LRBA: variants seen among roughly 807,000 people sequenced by gnomAD.
LRBA encodes lipopolysaccharide-responsive and beige-like anchor protein.
In LRBA, 176 loss-of-function variants were observed where a neutral mutation model predicts 330.0. That is an observed-to-expected ratio of 0.53 (90% confidence interval 0.47 to 0.60). LRBA has a LOEUF of 0.60. Ranked by LOEUF, LRBA falls within the 20% of genes least tolerant of loss-of-function variation. LRBA has a pLI of 0.00. For synonymous variants in LRBA, 1,230 were observed against 1,193.0 expected (o/e 1.03, Z -0.64); for missense variants, 3,259 against 3,444.8 (o/e 0.95, Z 1.35).
intron 44 of LRBA, among the ~76,000 whole-genome samples, chr4:150,461,750 G>A (rs760776777): frequency 1.4e-4 from 22 of 151,740 alleles, no homozygotes; most frequent in Non-Finnish European, 3.0e-4. Context: ...GTTATCAATT[G>A]CATTTCAATC....
At chr4:150,805,298 GGA>G (rs1742459508) in intron 33 of LRBA, among the ~76,000 whole-genome samples, 1 of 97,878 alleles carries the variant, frequency 1.0e-5, no homozygotes, top group African/African-American at 4.7e-5. Context: ...GGAAAGGAAA[GGA>G]AAGGAAAGGA....
intron 40 of LRBA, among the ~76,000 whole-genome samples, chr4:150,578,723 T>C (rs2126331611): frequency 6.6e-6 from 1 of 152,374 alleles, no homozygotes; most frequent in African/African-American, 2.4e-5. Context: ...TACTATCACC[T>C]ACATTCTTTA....
At chr4:150,679,036 G>A (rs1465768022) in intron 37 of LRBA, among the ~76,000 whole-genome samples, 3 of 151,808 alleles carry the variant, frequency 2.0e-5, no homozygotes, top group Non-Finnish European at 4.4e-5. Context: ...TTAAAGATAG[G>A]ACATGATATA....
At chr4:150,303,588 T>C (rs941536616) in intron 52 of LRBA, among the ~76,000 whole-genome samples, 8 of 152,162 alleles carry the variant, frequency 5.3e-5, no homozygotes, top group Admixed American at 2.0e-4. Context: ...ATTTATTTTT[T>C]TGAGGCGGAG....
intron 17 of LRBA, among the ~76,000 whole-genome samples, chr4:150,875,808 C>T (rs965208816): frequency 6.6e-6 from 1 of 152,190 alleles, no homozygotes; most frequent in Non-Finnish European, 1.5e-5. Flanking sequence ...CACCACAAAA[C>T]TTCAGACACC....
chr4:150,623,081 A>C (rs1054214730), intron 37 of LRBA, among the ~76,000 whole-genome samples: 4 of 152,138 alleles, frequency 2.6e-5, no homozygotes, highest in Admixed American at 6.5e-5. Flanking sequence ...GGCTAAAGGC[A>C]TATGTACTCT....
chr4:150,369,005 A>G (rs1050540002), intron 47 of LRBA, among the ~76,000 whole-genome samples: 4 of 152,172 alleles, frequency 2.6e-5, no homozygotes, highest in Admixed American at 1.3e-4. Flanking sequence ...TAGTTCCCAA[A>G]CAGCTATTTT....
chr4:150,673,000 C>T (rs915837834), intron 37 of LRBA, among the ~76,000 whole-genome samples: 4 of 152,158 alleles, frequency 2.6e-5, no homozygotes, highest in Non-Finnish European at 4.4e-5. Context: ...TTTAGTCAGT[C>T]ATTCTCAAAA....
intron 40 of LRBA, among the ~76,000 whole-genome samples, chr4:150,538,186 T>C (rs1764891400): frequency 6.6e-6 from 1 of 152,166 alleles, no homozygotes; most frequent in African/African-American, 2.4e-5. Flanking sequence ...ACACTGTTGG[T>C]GGAAATGTAA....
At chr4:150,673,262 A>G (rs1393026570) in intron 37 of LRBA, among the ~76,000 whole-genome samples, 1 of 152,198 alleles carries the variant, frequency 6.6e-6, no homozygotes. Flanking sequence ...ATTGACAAGA[A>G]TTTACTAAAC....
At chr4:150,369,491 C>A (rs1688019426) in intron 47 of LRBA, among the ~76,000 whole-genome samples, 3 of 151,978 alleles carry the variant, frequency 2.0e-5, no homozygotes, top group Admixed American at 6.6e-5. Flanking sequence ...GTTCAACAAC[C>A]TTTGGCTGAG....
At chr4:150,777,066 T>TGTGTTG (rs1553959731) in intron 34 of LRBA, among the ~76,000 whole-genome samples, 22 of 134,306 alleles carry the variant, frequency 1.6e-4, no homozygotes, top group Non-Finnish European at 3.0e-4. Context: ...TTTGAGGGGT[T>TGTGTTG]TTGTTGTTGT....
At chr4:150,299,303 T>A (rs910371139) in intron 53 of LRBA, among the ~76,000 whole-genome samples, 2 of 152,100 alleles carry the variant, frequency 1.3e-5, no homozygotes, top group Non-Finnish European at 2.9e-5. Context: ...CTATATTCAT[T>A]TTTCTTCTCA....
In LRBA at chr4:150,872,716, G is replaced by A; in HGVS notation, c.2205C>T (p.Ile735=). Residue 735 remains isoleucine, a synonymous_variant, in exon 18 of 57, where the codon ATC becomes ATT. Coordinates refer to ENST00000651943, the MANE Select transcript of LRBA (RefSeq NM_001364905.1). ...YKLLASKSEG[I]RVQALKAMGY... is the part of the protein sequence containing the mutation. ...CCATTGCCTTAAGAGCTTGTACCCT[G>A]ATTCCTTCACTTTTCGATGCCAGAA... The A allele has an allele frequency of 6.2e-7, 1 of 1,607,710 alleles. No homozygotes were observed. Among genetic ancestry groups the A allele is most frequent in the Non-Finnish European group, 8.5e-7 (1 of 1,176,906 alleles).
intron 40 of LRBA, among the ~76,000 whole-genome samples, chr4:150,505,897 C>T (rs1176354291): frequency 6.6e-6 from 1 of 152,100 alleles, no homozygotes; most frequent in Non-Finnish European, 1.5e-5. Context: ...AAGGGGATAT[C>T]ACCACCGATC....
At chr4:150,859,479 A>C (rs891157515) in intron 22 of LRBA, among the ~76,000 whole-genome samples, 2 of 151,116 alleles carry the variant, frequency 1.3e-5, no homozygotes, top group Non-Finnish European at 2.9e-5. Context: ...AAAAACAAAC[A>C]AAAAAAAATG....
rs58558446 is a variant in LRBA at position 150,694,462 on chromosome 4, C to CAAAAAAAAAAAAAAAAAAAAAAAAAAA, written c.5755-10746_5755-10745insTTTTTTTTTTTTTTTTTTTTTTTTTTT. ...CCTTACCTTAAAGTGTGATCTTTAA[C>CAAAAAAAAAAAAAAAAAAAAAAAAAAA]AAAAAAAAAAAAAAGCTATCTACAG... is the stretch of plus-strand genomic sequence containing the variant. On this transcript the variant is annotated intron_variant, in intron 36 of 56. Transcript: ENST00000651943. Among the ~76,000 whole-genome samples the CAAAAAAAAAAAAAAAAAAAAAAAAAAA allele has an allele frequency of 4.2e-4, 30 of 71,038 alleles. 3 individuals carry two copies. The highest frequency in any genetic ancestry group is 1.3e-3 in the African/African-American group (26 of 20,420). 46.6% of individuals were successfully genotyped at this position (71,038 alleles called of 152,430 possible).
At chr4:150,748,771 G>A (rs1346371412) in intron 35 of LRBA, among the ~76,000 whole-genome samples, 1 of 152,066 alleles carries the variant, frequency 6.6e-6, no homozygotes, top group Non-Finnish European at 1.5e-5. Context: ...CAATGCAATA[G>A]TATTAAGAGG....
At chr4:150,290,975 C>G (rs1215482871) in intron 53 of LRBA, among the ~76,000 whole-genome samples, 1 of 151,918 alleles carries the variant, frequency 6.6e-6, no homozygotes, top group Admixed American at 6.6e-5. Context: ...TTTTATTATA[C>G]TTTAAGTTTT....
Sources: allele counts gnomAD v4.1 joint callset (sites outside exome capture counted in the v4.1 genomes callset), GRCh38; gene constraint gnomAD v4.1.1; transcripts MANE v1.5; gene names NCBI Gene and HGNC (gene_info 2026-07-23, HGNC 2026-07-21).